The following ADARB2 variants were observed in gnomAD, a reference collection of about 807,000 sequenced individuals.
ADARB2 encodes the protein inactive double-stranded RNA-specific editase B2.
A neutral mutation model predicts 62.2 loss-of-function variants in ADARB2; 25 were observed. That is an observed-to-expected ratio of 0.40 (90% CI 0.29 to 0.56). ADARB2 has a LOEUF of 0.56. Among genes scored for constraint, ADARB2 ranks in the 20% least tolerant of loss-of-function variants. The pLI is 0.43. For missense variants in ADARB2, 1,071 were observed against 1,077.4 expected (o/e 0.99, Z 0.08); for synonymous variants, 572 against 500.8 (o/e 1.14, Z -1.90).
intron 1 of ADARB2, among the ~76,000 whole-genome samples, chr10:1,416,750 AACTC>A (rs1225575749): frequency 6.6e-5 from 10 of 152,248 alleles, no homozygotes; most frequent in African/African-American, 2.4e-4. Flanking sequence ...GGGGCCCATG[AACTC>A]ACTCAGTCTC....
Position 1,217,103 on chromosome 10 carries a change from G to A in ADARB2, c.1530C>T (p.His510=). ...EITTDLHSSK[H]LVRKFRGHLR... Reference sequence around the variant, plus strand: ...GGTGCCCGCGGAACTTCCTGACGAGGTGTTTGCTGCTGTGCACTAGGAGAT... The same window carrying A: ...GGTGCCCGCGGAACTTCCTGACGAGATGTTTGCTGCTGTGCACTAGGAGAT... The change falls in exon 7 of 10, where the codon CAC becomes CAT. Residue 510 remains histidine (H), a synonymous_variant. Transcript: ENST00000381312. 3.7e-6 allele frequency: 6 copies of A among 1,600,970 alleles called. No individual in the cohort carries two copies. The highest frequency in any genetic ancestry group is 1.3e-5 in the African/African-American group (1 of 74,890).
intron 1 of ADARB2, among the ~76,000 whole-genome samples, chr10:1,633,688 A>G (rs1373054212): frequency 1.2e-4 from 18 of 151,990 alleles, no homozygotes; most frequent in Admixed American, 1.2e-3. Context: ...TAGTGCACAC[A>G]CTATCTTATA....
At chr10:1,588,309 C>T (rs1833206260) in intron 1 of ADARB2, among the ~76,000 whole-genome samples, 1 of 152,244 alleles carries the variant, frequency 6.6e-6, no homozygotes, top group South Asian at 2.1e-4. Context: ...ACCCCGGATG[C>T]TATGTCAAGG....
intron 7 of ADARB2, among the ~76,000 whole-genome samples, chr10:1,210,353 C>T (rs941822511): frequency 3.9e-5 from 6 of 152,204 alleles, no homozygotes; most frequent in African/African-American, 1.2e-4. Context: ...AACAGAACTG[C>T]GTCTATTCCC....
At chr10:1,496,477 CATT>C (rs1430687307) in intron 1 of ADARB2, among the ~76,000 whole-genome samples, 22 of 152,212 alleles carry the variant, frequency 1.4e-4, no homozygotes, top group East Asian at 5.8e-4. Context: ...CCATCATCAT[CATT>C]GTCATCACCA....
At chr10:1,648,248 CA>C (rs1178984260) in intron 1 of ADARB2, among the ~76,000 whole-genome samples, 1 of 152,166 alleles carries the variant, frequency 6.6e-6, no homozygotes, top group East Asian at 1.9e-4. Context: ...TAAAATAATT[CA>C]TCTTCCATAG....
intron 1 of ADARB2, among the ~76,000 whole-genome samples, chr10:1,439,478 C>T (rs1255587255): frequency 2.2e-5 from 3 of 134,654 alleles, no homozygotes; most frequent in African/African-American, 2.8e-5. Context: ...AGGTCCTTCA[C>T]TACGGGGCTT....
intron 4 of ADARB2, among the ~76,000 whole-genome samples, chr10:1,259,731 A>G (rs1174426188): frequency 6.6e-5 from 10 of 152,186 alleles, no homozygotes; most frequent in Non-Finnish European, 7.3e-5. Flanking sequence ...ACAAGGAGGA[A>G]CTGGTACCAT....
chr10:1,311,794 G>A (rs1379227799), intron 3 of ADARB2, among the ~76,000 whole-genome samples: 2 of 152,178 alleles, frequency 1.3e-5, no homozygotes, highest in African/African-American at 2.4e-5. Context: ...TACCATCTCC[G>A]CCCTATGATG....
At chr10:1,467,602 A>T (rs1158539554) in intron 1 of ADARB2, among the ~76,000 whole-genome samples, 2 of 152,186 alleles carry the variant, frequency 1.3e-5, no homozygotes, top group Non-Finnish European at 2.9e-5. Flanking sequence ...GCCACCGCTG[A>T]CACTGTGCCC....
At chr10:1,556,568 T>C (rs1253317140) in intron 1 of ADARB2, 1 of 420,052 alleles carries the variant, frequency 2.4e-6, no homozygotes, top group Non-Finnish European at 5.0e-6. Flanking sequence ...CTCCATGGTC[T>C]GGGGAGGGCC....
chr10:1,394,242 T>C (rs1180948427), intron 1 of ADARB2, among the ~76,000 whole-genome samples: 1 of 152,238 alleles, frequency 6.6e-6, no homozygotes, highest in African/African-American at 2.4e-5. Context: ...GTAAGATTTC[T>C]GAGTCCATCT....
At position 1,435,156 on chromosome 10, in the gene ADARB2, G is replaced by A. The variant is rs547784065; in HGVS notation, c.101-55996C>T. Reference sequence around the variant, plus strand: ...AGGCCGGCTGTGCCTCCAATGAGAGGTGTCCCCGGGCTGTGGATGCCCAGG... The same window carrying A: ...AGGCCGGCTGTGCCTCCAATGAGAGATGTCCCCGGGCTGTGGATGCCCAGG... On this transcript the variant is annotated intron_variant, in intron 1 of 9. Coordinates refer to ENST00000381312, the MANE Select transcript of ADARB2 (RefSeq NM_018702.4). Among the ~76,000 whole-genome samples, 215 of 152,362 alleles carry A rather than the reference G, an allele frequency of 1.4e-3. 2 individuals are homozygous for A. Among genetic ancestry groups the A allele is most frequent in the African/African-American group, 4.8e-3 (199 of 41,584 alleles).
At chr10:1,250,418 G>A (rs769578414) in intron 4 of ADARB2, among the ~76,000 whole-genome samples, 3 of 152,090 alleles carry the variant, frequency 2.0e-5, no homozygotes, top group Non-Finnish European at 4.4e-5. Context: ...AGATGGATTA[G>A]TCTTCAAGGA....
intron 1 of ADARB2, among the ~76,000 whole-genome samples, chr10:1,402,229 C>T (rs1405009798): frequency 6.6e-6 from 1 of 152,188 alleles, no homozygotes; most frequent in Non-Finnish European, 1.5e-5. Flanking sequence ...CTGTCTCATT[C>T]TGCTCTGGTC....
At chr10:1,338,706 A>G (rs1186803673) in intron 3 of ADARB2, among the ~76,000 whole-genome samples, 1 of 152,092 alleles carries the variant, frequency 6.6e-6, no homozygotes, top group Non-Finnish European at 1.5e-5. Flanking sequence ...GCCTTAGGTC[A>G]CCCCCCGACA....
chr10:1,483,350 C>T (rs1380259596), intron 1 of ADARB2, among the ~76,000 whole-genome samples: 1 of 152,196 alleles, frequency 6.6e-6, no homozygotes, highest in Non-Finnish European at 1.5e-5. Flanking sequence ...ATCTAGGAAA[C>T]CCCGTTACTG....
intron 1 of ADARB2, among the ~76,000 whole-genome samples, chr10:1,695,597 A>G (rs1834728458): frequency 6.8e-6 from 1 of 146,336 alleles, no homozygotes; most frequent in African/African-American, 2.5e-5. Flanking sequence ...GTGTGCATGT[A>G]TACACAGAAA....
intron 1 of ADARB2, among the ~76,000 whole-genome samples, chr10:1,409,293 C>T (rs946360443): frequency 2.7e-5 from 4 of 146,770 alleles, no homozygotes; most frequent in African/African-American, 5.0e-5. Context: ...GCTCCCACTT[C>T]GTCAGTGCAT....
Sources: allele counts gnomAD v4.1 joint callset (sites outside exome capture counted in the v4.1 genomes callset), GRCh38; gene constraint gnomAD v4.1.1; transcripts MANE v1.5; gene names NCBI Gene and HGNC (gene_info 2026-07-23, HGNC 2026-07-21).